The following COL6A2 variants were observed in gnomAD, a reference collection of about 807,000 sequenced individuals.
COL6A2 encodes the protein collagen type VI alpha 2 chain.
A neutral mutation model predicts 124.9 loss-of-function variants in COL6A2; 90 were observed. The ratio of observed to expected loss-of-function variants is 0.72; its 90% confidence interval spans 0.61 to 0.86. The LOEUF (loss-of-function observed/expected upper bound fraction) is 0.86. Among genes scored for constraint, COL6A2 ranks in the 40% least tolerant of loss-of-function variants. The probability of loss-of-function intolerance (pLI) is 0.00; values close to 1 mark genes in which losing one functional copy is unlikely to be tolerated. For missense variants in COL6A2, 1,607 were observed against 1,502.5 expected, an observed-to-expected ratio of 1.07 and a Z score of -1.15; for synonymous variants, 793 against 618.2, an observed-to-expected ratio of 1.28 and a Z score of -4.19.
chr21:46,108,074 TTCTC>T (rs575053738), intron 1 of COL6A2, among the ~76,000 whole-genome samples: 2 of 151,636 alleles, frequency 1.3e-5, no homozygotes, highest in African/African-American at 4.8e-5. Context: ...TTCTCTTTCT[TTCTC>T]TCTTTCTCTC....
At chr21:46,129,330 G>A (rs146864592) in intron 27 of COL6A2, 20 of 1,612,796 alleles carry the variant, frequency 1.2e-5, no homozygotes, top group South Asian at 3.3e-5. Flanking sequence ...GGACCCGGCC[G>A]CCTACTCCCA....
At chr21:46,112,938 G>A in intron 4 of COL6A2, 114 bp downstream of exon 4, 1 of 1,343,698 alleles carries the variant, frequency 7.4e-7, no homozygotes, top group Non-Finnish European at 1.1e-6. Context: ...AGAGGAGAGG[G>A]AGTCACCTGC....
At chr21:46,128,442 T>TCCTCCTCGGC (rs1464151705) in intron 27 of COL6A2, among the ~76,000 whole-genome samples, 1 of 152,168 alleles carries the variant, frequency 6.6e-6, no homozygotes, top group East Asian at 1.9e-4. Flanking sequence ...CGGCCAGGCA[T>TCCTCCTCGGC]CCTCCTCGGC....
At chr21:46,110,408 T>G (rs1292626981) in intron 1 of COL6A2, among the ~76,000 whole-genome samples, 2 of 152,240 alleles carry the variant, frequency 1.3e-5, no homozygotes, top group Non-Finnish European at 2.9e-5. Flanking sequence ...AAAGTTTATC[T>G]TTTTATGTTC....
chr21:46,118,964 G>A (rs1018309344), intron 13 of COL6A2, 66 bp from the exon 14 acceptor site: 45 of 1,272,224 alleles, frequency 3.5e-5, no homozygotes, highest in Middle Eastern at 1.8e-4. Context: ...ACCACACACC[G>A]CACAGGCGTG....
chr21:46,105,170 G>A (rs1218895026), intron 1 of COL6A2, among the ~76,000 whole-genome samples: 2 of 152,158 alleles, frequency 1.3e-5, no homozygotes, highest in African/African-American at 4.8e-5. Context: ...TTGAGCCCAG[G>A]AGTTCAAGAC....
At chr21:46,125,738 C>T in intron 25 of COL6A2, 47 bp from the exon 26 acceptor site, 1 of 1,603,852 alleles carries the variant, frequency 6.2e-7, no homozygotes, top group Non-Finnish European at 8.5e-7. Context: ...TGGGGATGCC[C>T]CAGACCCCGA....
intron 1 of COL6A2, among the ~76,000 whole-genome samples, chr21:46,108,304 G>T (rs1402808587): frequency 6.6e-6 from 1 of 151,744 alleles, no homozygotes; most frequent in African/African-American, 2.4e-5. Context: ...CATTTTTTTT[G>T]TACTGTAGTA....
chr21:46,122,987 G>A (rs771402931), intron 21 of COL6A2, 50 bp downstream of exon 21: 107 of 1,564,266 alleles, frequency 6.8e-5, no homozygotes, highest in Non-Finnish European at 9.2e-5. Flanking sequence ...AGGCAGGGAG[G>A]GGCCCTGAGG....
Position 46,132,437 on chromosome 21 carries a change from T to C in COL6A2, c.2945T>C (p.Met982Thr), listed in dbSNP as rs1356802026. 8.7e-6 allele frequency: 14 copies of C among 1,606,766 alleles called. No homozygotes were observed. The highest frequency in any genetic ancestry group is 1.2e-5 in the Non-Finnish European group (14 of 1,176,960). The change falls in exon 28 of 28, where the codon ATG (methionine) becomes ACG (threonine). Residue 982 changes from methionine to threonine, a missense_variant. Physicochemically the swap from Met to Thr is moderately conservative, Grantham distance 81 (BLOSUM62 -1). This residue lies in a region of COL6A2 where 1,223 missense variants were observed against 1,052.2 expected (regional missense o/e 1.16). Coordinates refer to ENST00000300527, the MANE Select transcript of COL6A2 (RefSeq NM_001849.4). The part of the protein sequence containing the change: ...TVLALGSDVD[M>T]DVLTTLSLGD... ...CTGGCCTTGGGCAGCGACGTGGACA[T>C]GGACGTGCTCACCACGCTCAGCCTG...
intron 27 of COL6A2, 94 bp from the exon 28 acceptor site, chr21:46,131,860 A>C: frequency 1.7e-6 from 2 of 1,184,308 alleles, no homozygotes; most frequent in Non-Finnish European, 2.4e-6. Context: ...GGTTGCAGGC[A>C]GGGTGCGAAT....
chr21:46,130,790 G>A (rs1427240030), intron 27 of COL6A2, among the ~76,000 whole-genome samples: 5 of 152,198 alleles, frequency 3.3e-5, no homozygotes, highest in East Asian at 3.9e-4. Flanking sequence ...CATTTAAGCC[G>A]GTTCCTAGGT....
chr21:46,129,190 T>G (rs1297215088), intron 27 of COL6A2: 2 of 1,612,870 alleles, frequency 1.2e-6, no homozygotes, highest in Admixed American at 1.7e-5. Flanking sequence ...GGACGCTCCC[T>G]TGCAGATGCA....
At position 46,119,731 on chromosome 21, in the gene COL6A2, A is replaced by G. The variant is rs2078530304; in HGVS notation, c.1270-57A>G. On this transcript the variant is annotated intron_variant, in intron 14 of 27. Coordinates refer to ENST00000300527, the MANE Select transcript of COL6A2 (RefSeq NM_001849.4). ...GGCCCCGGCACAGCCCCCACCCTCC[A>G]CAGGCTCTGGGCTTGGACTCAGCCC... 4 of 1,493,368 alleles carry G rather than the reference A, an allele frequency of 2.7e-6. No individual in the cohort carries two copies. The Admixed American group carries it at 7.9e-5, about 29-fold the overall frequency. The allele number at this position is 1,493,368 out of a possible 1,614,324, so 92.5% of individuals were successfully genotyped here. A position where few individuals can be genotyped will look rare whatever the true frequency, so the allele number is the denominator to read the frequency against.
Position 46,132,386 on chromosome 21 carries a change from G to C in COL6A2, c.2894G>C (p.Arg965Pro), listed in dbSNP as rs201854898. The C allele has an allele frequency of 4.3e-6, 7 of 1,609,400 alleles. No individual in the cohort carries two copies. Among genetic ancestry groups the C allele is most frequent in the Admixed American group, 3.3e-5 (2 of 59,984 alleles). ...DSLHESAHSM[R>P]KQNVVPTVLA... is the part of the protein sequence containing the mutation. ...CTGCACGAGTCGGCGCACTCCATGCGCAAGCAGAACGTGGTACCCACCGTG... is the reference window on the plus strand; with the variant it reads ...CTGCACGAGTCGGCGCACTCCATGCCCAAGCAGAACGTGGTACCCACCGTG... Residue 965 changes from arginine to proline, a missense_variant, in exon 28 of 28, where the codon CGC becomes CCC. Physicochemically the swap from Arg to Pro is moderately radical, Grantham distance 103. Around this residue, in one of 3 missense-constraint regions of COL6A2, gnomAD observed 1,223 missense variants for 1,052.2 expected, o/e 1.16. Coordinates refer to ENST00000300527, the MANE Select transcript of COL6A2 (RefSeq NM_001849.4).
intron 27 of COL6A2, among the ~76,000 whole-genome samples, chr21:46,130,459 C>G (rs931977413): frequency 1.3e-5 from 2 of 152,232 alleles, no homozygotes; most frequent in African/African-American, 4.8e-5. Context: ...GTGACCATTT[C>G]TCAGGGCCAG....
intron 18 of COL6A2, among the ~76,000 whole-genome samples, 190 bp from the exon 19 acceptor site, chr21:46,121,916 CTA>C (rs1226908568): frequency 1.3e-5 from 2 of 152,130 alleles, no homozygotes; most frequent in Non-Finnish European, 2.9e-5. Flanking sequence ...CTTCGGGTCT[CTA>C]GGCACGTCCA....
rs1437640012 is a variant in COL6A2 at position 46,125,976 on chromosome 21, C to T, written c.2161C>T (p.Gln721Ter). 1.2e-6 allele frequency: 2 copies of T among 1,613,004 alleles called. No individual in the cohort carries two copies. Among genetic ancestry groups the T allele is most frequent in the African/African-American group, 1.3e-5 (1 of 74,914 alleles). ...CCGCCTCATCAAGGAGAGCCGGCGC[C>T]AGAAGACACGTGTGTTTGCGGTGGT... is the stretch of plus-strand genomic sequence containing the variant. The part of the protein sequence containing the change: ...YDRLIKESRR[Q>*]KTRVFAVVIT... Residue 721 changes from glutamine to a stop codon, truncating the protein, a stop_gained, in exon 26 of 28, where the codon CAG (glutamine) becomes TAG (stop). Coordinates refer to ENST00000300527, the MANE Select transcript of COL6A2 (RefSeq NM_001849.4). LOFTEE classifies it high-confidence loss of function.
rs568730672 is a variant in COL6A2 at position 46,111,488 on chromosome 21, C to T, written c.12C>T (p.Gly4=). Residue 4 remains glycine, a synonymous_variant, in exon 2 of 28, where the codon GGC becomes GGT. Transcript: ENST00000300527. MLQ[G]TCSVLLLWGI... is the part of the protein sequence containing the mutation. ...CAGGTGCTGCCAAGATGCTCCAGGG[C>T]ACCTGCTCCGTGCTCCTGCTCTGGG... 9 of 1,611,848 alleles carry T rather than the reference C, an allele frequency of 5.6e-6. No homozygotes were observed. Among genetic ancestry groups the T allele is most frequent in the South Asian group, 1.1e-5 (1 of 91,030 alleles).
Sources: allele counts gnomAD v4.1 joint callset (sites outside exome capture counted in the v4.1 genomes callset), GRCh38; gene constraint gnomAD v4.1.1; regional missense constraint gnomAD v4.1.1; transcripts MANE v1.5; gene names NCBI Gene and HGNC (gene_info 2026-07-23, HGNC 2026-07-21).